Variants in ZNF665 observed in about 807,000 individuals in gnomAD.
The protein encoded by ZNF665 is zinc finger protein 665.
A neutral mutation model predicts 7.9 loss-of-function variants in ZNF665; 6 were observed. The ratio of observed to expected loss-of-function variants is 0.76; its 90% CI spans 0.42 to 1.50. The LOEUF (loss-of-function observed/expected upper bound fraction) is 1.50, where lower values mean the gene tolerates loss of function less well. ZNF665 is among the 40% of genes most tolerant of loss of function. The pLI, the probability that ZNF665 is intolerant of heterozygous loss-of-function variation, is 0.01. For synonymous variants in ZNF665, 242 were observed against 274.5 expected, an observed-to-expected ratio of 0.88 and a Z score of 1.17; for missense variants, 819 against 806.7, an observed-to-expected ratio of 1.02 and a Z score of -0.18.
intron 3 of ZNF665, among the ~76,000 whole-genome samples, chr19:53,172,389 G>A (rs1342370091): frequency 1.3e-5 from 2 of 152,062 alleles, no homozygotes; most frequent in Non-Finnish European, 2.9e-5. Flanking sequence ...TCAACCAATA[G>A]TGTATGAGAA....
chr19:53,190,299 C>A (rs1200080825), intron 1 of ZNF665: 1 of 152,152 alleles, frequency 6.6e-6, no homozygotes, highest in African/African-American at 2.4e-5. Context: ...TGGGTGGGCC[C>A]GTTGGAGAGC....
At chr19:53,175,354 A>G in intron 3 of ZNF665, 91 bp downstream of exon 3, 1 of 1,484,922 alleles carries the variant, frequency 6.7e-7, no homozygotes, top group Non-Finnish European at 9.1e-7. Context: ...AATCCTCATC[A>G]AGCAATGCAG....
At chr19:53,173,115 G>A (rs909054797) in intron 3 of ZNF665, among the ~76,000 whole-genome samples, 2 of 152,092 alleles carry the variant, frequency 1.3e-5, no homozygotes, top group African/African-American at 4.8e-5. Context: ...AAAAATCATT[G>A]ATAACGTCAT....
chr19:53,180,663 T>C (rs1261886973), intron 2 of ZNF665: 1 of 152,166 alleles, frequency 6.6e-6, no homozygotes, highest in Non-Finnish European at 1.5e-5. Context: ...TCTTTAGTTG[T>C]CTTTTTTGCT....
intron 1 of ZNF665, among the ~76,000 whole-genome samples, chr19:53,192,395 C>G (rs114520896): frequency 3.3e-5 from 5 of 152,108 alleles, no homozygotes; most frequent in Non-Finnish European, 7.3e-5. Flanking sequence ...CCAAATACCC[C>G]CTCCTCTCCC....
intron 3 of ZNF665, among the ~76,000 whole-genome samples, chr19:53,167,460 C>CT (rs67847094): frequency 0.51 from 75,827 of 149,388 alleles, 21,834 homozygotes; most frequent in South Asian, 0.72. Context: ...CAATTTCTCT[C>CT]TCTTTTTTTT....
At position 53,164,629 on chromosome 19, in the gene ZNF665, T is replaced by C; in HGVS notation, c.1861A>G (p.Thr621Ala). 1 of 1,612,840 alleles carries C rather than the reference T, an allele frequency of 6.2e-7. No homozygotes were observed. The highest frequency in any genetic ancestry group is 8.5e-7 in the Non-Finnish European group (1 of 1,178,934). Reference sequence around the variant, plus strand: ...TTACACCTATAAGGTTTTTCTCCAGTGTGAATTCTTCTATGATTTGCAAGA... The same window carrying C: ...TTACACCTATAAGGTTTTTCTCCAGCGTGAATTCTTCTATGATTTGCAAGA... The part of the protein sequence containing the change: ...SHLANHRRIH[T>A]GEKPYRCNEC... Residue 621 changes from threonine (T) to alanine (A), a missense_variant, in exon 4 of 4, where the codon ACT (threonine) becomes GCT (alanine). Transcript: ENST00000396424.
At chr19:53,184,531 G>C (rs2090762218) in intron 1 of ZNF665, among the ~76,000 whole-genome samples, 1 of 152,076 alleles carries the variant, frequency 6.6e-6, no homozygotes, top group Non-Finnish European at 1.5e-5. Context: ...CTGGACAAAG[G>C]ATTCCAGTGT....
intron 3 of ZNF665, among the ~76,000 whole-genome samples, chr19:53,171,520 A>T (rs1568658246): frequency 1.2e-4 from 10 of 82,784 alleles, no homozygotes; most frequent in Admixed American, 4.1e-4. Context: ...ATATATATAT[A>T]TATATTTTTT....
rs766646492 is a variant in ZNF665, at chr19:53,164,826, G to A, written c.1664C>T (p.Ser555Leu). 145 of 1,614,038 alleles carry A rather than the reference G, an allele frequency of 9.0e-5. No homozygotes were observed. The highest frequency in any genetic ancestry group is 1.1e-4 in the Non-Finnish European group (133 of 1,180,010). The change falls in exon 4 of 4, where the codon TCG becomes TTG. Residue 555 changes from serine (S) to leucine (L), a missense_variant. Transcript: ENST00000396424. ...NDCGKVFRHN[S>L]YLAIHQRIHT... ...AATTCTCTGATGAATTGCAAGGTAC[G>A]AATTGTGTCTGAAGACCTTGCCGCA... is the stretch of plus-strand genomic sequence containing the variant.
In ZNF665 at chr19:53,164,408, G is replaced by T. The variant is rs765068450; in HGVS notation, c.*45C>A. 5 of 1,461,360 alleles carry T rather than the reference G, an allele frequency of 3.4e-6. No homozygotes were observed. The highest frequency in any genetic ancestry group is 1.4e-5 in the South Asian group (1 of 71,644). The allele number at this position is 1,461,360 out of a possible 1,614,324, so 90.5% of individuals were successfully genotyped here. On this transcript the variant is annotated 3_prime_UTR_variant, in exon 4 of 4. Transcript: ENST00000396424. ...CCGCCTCGGCCTCCCAAAGTGCTGG[G>T]ATTACAGGCGTGAGCCACCACGCCC...
intron 3 of ZNF665, among the ~76,000 whole-genome samples, chr19:53,171,524 A>ATATTTTTTTTT (rs372855271): frequency 8.7e-5 from 6 of 69,320 alleles, no homozygotes; most frequent in African/African-American, 3.1e-4. Flanking sequence ...ATATATATAT[A>ATATTTTTTTTT]TTTTTTTTTT....
chr19:53,188,782 C>T (rs1296255668), intron 1 of ZNF665, among the ~76,000 whole-genome samples: 5 of 152,040 alleles, frequency 3.3e-5, no homozygotes, highest in Admixed American at 1.3e-4. Context: ...ACTGCAAGCT[C>T]TGCCTCCTGG....
At chr19:53,167,972 C>A (rs11670058) in intron 3 of ZNF665, among the ~76,000 whole-genome samples, 47,355 of 141,068 alleles carry the variant, frequency 0.34, 9,239 homozygotes, top group East Asian at 0.58. Context: ...AGGAGAATGG[C>A]GTGAATCCAG....
chr19:53,173,620 A>G (rs2090675420), intron 3 of ZNF665, among the ~76,000 whole-genome samples: 1 of 151,790 alleles, frequency 6.6e-6, no homozygotes, highest in Non-Finnish European at 1.5e-5. Context: ...TGATCCACCC[A>G]CCTCAGCCTC....
chr19:53,177,536 CAAACAAAACAAAACA>C lies in ZNF665; in HGVS notation c.16-1980_16-1966del, dbSNP rs150554635. ...CACTCCAGCCTGGGCAACAGGGAGA[CAAACAAAACAAAACA>C]AAACAAAACAAAACAAAACAAAAAA... On this transcript the variant is annotated intron_variant, in intron 2 of 3. Coordinates refer to ENST00000396424, the MANE Select transcript of ZNF665 (RefSeq NM_024733.5). Among the ~76,000 whole-genome samples, 62 of 149,222 alleles carry C rather than the reference CAAACAAAACAAAACA, an allele frequency of 4.2e-4. No homozygotes were observed. In the East Asian group the frequency reaches 7.1e-3, roughly 17 times the overall value.
At chr19:53,181,197 A>C (rs554653030) in intron 2 of ZNF665, 115 of 152,276 alleles carry the variant, frequency 7.6e-4, no homozygotes, top group African/African-American at 2.4e-3. Context: ...AGGCGGGTGG[A>C]TTGCTTGAGC....
At chr19:53,179,309 G>A (rs1435081917) in intron 2 of ZNF665, among the ~76,000 whole-genome samples, 1 of 150,458 alleles carries the variant, frequency 6.6e-6, no homozygotes, top group East Asian at 2.0e-4. Context: ...CTGGGAGGCG[G>A]GGCTTGCAGT....
chr19:53,182,994 A>G, intron 1 of ZNF665, 51 bp from the exon 2 acceptor site: 1 of 1,555,902 alleles, frequency 6.4e-7, no homozygotes, highest in Non-Finnish European at 8.8e-7. Context: ...TGTCAAAAAT[A>G]CGCTGTTTGT....
Sources: allele counts gnomAD v4.1 joint callset (sites outside exome capture counted in the v4.1 genomes callset), GRCh38; gene constraint gnomAD v4.1.1; transcripts MANE v1.5; gene names NCBI Gene and HGNC (gene_info 2026-07-23, HGNC 2026-07-21).